The following RC3H1 variants were observed in gnomAD, a reference collection of about 807,000 sequenced individuals.
RC3H1 encodes the protein roquin-1.
A neutral mutation model predicts 138.2 loss-of-function variants in RC3H1; 50 were observed. The ratio of observed to expected loss-of-function variants is 0.36; its 90% CI spans 0.29 to 0.46. The LOEUF is 0.46. Among genes scored for constraint, RC3H1 ranks in the 20% least tolerant of loss-of-function variants. The pLI, the probability that RC3H1 is intolerant of heterozygous loss-of-function variation, is 1.00. For missense variants in RC3H1, 1,031 were observed against 1,388.1 expected (o/e 0.74, Z 4.09); for synonymous variants, 462 against 489.1 (o/e 0.94, Z 0.73).
chr1:173,970,695 T>A (rs1401145952), intron 8 of RC3H1, 78 bp from the exon 9 acceptor site: 1 of 867,572 alleles, frequency 1.2e-6, no homozygotes, highest in Non-Finnish European at 1.8e-6. Context: ...CATTTTAGGA[T>A]CTTGATAATC....
chr1:173,996,915 G>GT (rs145400110), intron 1 of RC3H1, among the ~76,000 whole-genome samples: 3,467 of 146,886 alleles, frequency 0.024, 142 homozygotes, highest in African/African-American at 0.081. Context: ...AAGGAATTCT[G>GT]TTTTTTTTTT....
In RC3H1 at chr1:173,980,944, A is replaced by G. The variant is rs752656992; in HGVS notation, c.834T>C (p.Ala278=). 8.2e-5 allele frequency: 133 copies of G among 1,613,914 alleles called. No homozygotes were observed. The highest frequency in any genetic ancestry group is 1.1e-4 in the Non-Finnish European group (125 of 1,179,924). ...TCTGGGAGTCATGTTCTCGCCGCAG[A>G]GCTTCATAGGTTCTAAATTCTTCTT... is the stretch of plus-strand genomic sequence containing the variant. ...QLKEEFRTYE[A]LRREHDSQIV... is the part of the protein sequence containing the mutation. The change falls in exon 6 of 20, where the codon GCT becomes GCC. Residue 278 remains alanine, a synonymous_variant. Coordinates refer to ENST00000367696, the MANE Select transcript of RC3H1 (RefSeq NM_172071.4).
intron 8 of RC3H1, among the ~76,000 whole-genome samples, chr1:173,970,833 A>G (rs1295204942): frequency 1.3e-5 from 2 of 152,168 alleles, no homozygotes; most frequent in Non-Finnish European, 2.9e-5. Flanking sequence ...AATTTTTCTG[A>G]TATGTTGATA....
At chr1:173,963,888 C>T (rs1396099654) in intron 11 of RC3H1, 85 bp downstream of exon 11, 1 of 1,060,340 alleles carries the variant, frequency 9.4e-7, no homozygotes, top group Non-Finnish European at 1.4e-6. Flanking sequence ...CTTAAAGAGG[C>T]TACTGTGTAA....
rs552944531 is a variant in RC3H1, at chr1:173,933,335, T to C, written c.*5386A>G. On this transcript the variant is annotated 3_prime_UTR_variant, in exon 20 of 20. Coordinates refer to ENST00000367696, the MANE Select transcript of RC3H1 (RefSeq NM_172071.4). ...ATTTCAAAGGGCTCTTTACCCACTT[T>C]GTTCAGTGCAGTATTGAAAACATAC... is the stretch of plus-strand genomic sequence containing the variant. 1 of 152,206 alleles carries C rather than the reference T, an allele frequency of 6.6e-6. No individual in the cohort carries two copies. Among genetic ancestry groups the C allele is most frequent in the South Asian group, 2.1e-4 (1 of 4,820 alleles). The allele number at this position is 152,206 out of a possible 1,614,324, so 9.4% of individuals were successfully genotyped here. A position where few individuals can be genotyped will look rare whatever the true frequency, so the allele number is the denominator to read the frequency against.
In RC3H1 at chr1:173,935,648, G is replaced by A. The variant is rs1217628950; in HGVS notation, c.*3073C>T. ...TTTAAAAAAGTAGTTACAGAGTCAA[G>A]CAGTTATGCCCAAATATGCCATTTG... On this transcript the variant is annotated 3_prime_UTR_variant, in exon 20 of 20. Coordinates refer to ENST00000367696, the MANE Select transcript of RC3H1 (RefSeq NM_172071.4). 6.6e-6 allele frequency: 1 copy of A among 151,970 alleles called. No homozygotes were observed. Among genetic ancestry groups the A allele is most frequent in the Non-Finnish European group, 1.5e-5 (1 of 68,004 alleles). 9.4% of individuals were successfully genotyped at this position (151,970 alleles called of 1,614,324 possible).
At chr1:174,012,677 G>A (rs1661789300) in intron 1 of RC3H1, among the ~76,000 whole-genome samples, 2 of 151,814 alleles carry the variant, frequency 1.3e-5, no homozygotes, top group Admixed American at 6.6e-5. Context: ...CCAGCTACTC[G>A]GGAGGCTGAG....
chr1:173,989,371 T>C (rs990055550), intron 2 of RC3H1, among the ~76,000 whole-genome samples: 8 of 149,610 alleles, frequency 5.3e-5, no homozygotes, highest in Middle Eastern at 6.9e-3. Context: ...AAAAATTTTT[T>C]TTTGTATTTT....
Position 173,981,042 on chromosome 1 carries a change from C to CA in RC3H1, c.769-34dup, listed in dbSNP as rs750175619. The CA allele has an allele frequency of 1.6e-4, 258 of 1,565,372 alleles. 3 individuals carry two copies. The African/African-American group carries it at 2.8e-3, about 17-fold the overall frequency. ...GACACAAATAATCTCATAATGAAGT[C>CA]AAAAAAATGAGTTTATGCTTTATAT... On this transcript the variant is annotated intron_variant, in intron 5 of 19. Coordinates refer to ENST00000367696, the MANE Select transcript of RC3H1 (RefSeq NM_172071.4).
At chr1:173,995,981 T>C (rs894114362) in intron 1 of RC3H1, among the ~76,000 whole-genome samples, 1 of 152,214 alleles carries the variant, frequency 6.6e-6, no homozygotes, top group African/African-American at 2.4e-5. Flanking sequence ...GGGCTGGGTG[T>C]GGCGGCTCAC....
chr1:173,945,495 G>A (rs61828899), intron 17 of RC3H1, among the ~76,000 whole-genome samples: 14,145 of 152,040 alleles, frequency 0.093, 877 homozygotes, highest in East Asian at 0.22. Context: ...CACTGAATCT[G>A]GAGTATGAAG....
rs1659894421 is a variant in RC3H1 at position 173,961,846 on chromosome 1, A to G, written c.2081T>C (p.Ile694Thr). The G allele has an allele frequency of 6.2e-7, 1 of 1,613,976 alleles. No individual in the cohort carries two copies. Among genetic ancestry groups the G allele is most frequent in the East Asian group, 2.2e-5 (1 of 44,892 alleles). The change falls in exon 12 of 20, where the codon ATT becomes ACT. Residue 694 changes from isoleucine to threonine, a missense_variant. Coordinates refer to ENST00000367696, the MANE Select transcript of RC3H1 (RefSeq NM_172071.4). ...EEIFRESPIP[I>T]EIPPAAVPSY... ...TGGTACTGCTGCAGGTGGAATCTCA[A>G]TGGGTATAGGGCTTTCTCGGAATAT...
At chr1:173,943,303 C>T in intron 18 of RC3H1, 139 bp downstream of exon 18, 3 of 719,672 alleles carry the variant, frequency 4.2e-6, no homozygotes, top group Middle Eastern at 3.8e-4. Context: ...GAAGGTAGCC[C>T]ACCTGCATGA....
At chr1:173,963,908 C>T in intron 11 of RC3H1, 65 bp downstream of exon 11, 1 of 1,342,024 alleles carries the variant, frequency 7.5e-7, no homozygotes, top group Non-Finnish European at 1.1e-6. Flanking sequence ...AATGATCACT[C>T]TGACCTGAAG....
chr1:173,957,074 C>T (rs997692422), intron 13 of RC3H1, among the ~76,000 whole-genome samples: 1 of 151,922 alleles, frequency 6.6e-6, no homozygotes, highest in African/African-American at 2.4e-5. Flanking sequence ...CCATCATGCC[C>T]GGCTAATTTT....
chr1:173,983,806 T>C (rs1660916367), intron 3 of RC3H1, 149 bp from the exon 4 acceptor site: 2 of 718,906 alleles, frequency 2.8e-6, no homozygotes, highest in African/African-American at 1.8e-5. Flanking sequence ...ACCACACATG[T>C]AAAGCTTACT....
chr1:173,993,152 AGG>A lies in RC3H1; in HGVS notation c.-150-19_-150-18del, dbSNP rs1172860426. ...AAATATAACCTGAAAATAAAGAAAA[AGG>A]AAAAAAATTGAGTGTCTTTCTTTTC... On this transcript the variant is annotated intron_variant, in intron 1 of 19. Coordinates refer to ENST00000367696, the MANE Select transcript of RC3H1 (RefSeq NM_172071.4). The A allele has an allele frequency of 1.7e-6, 1 of 592,422 alleles. No homozygotes were observed. Among genetic ancestry groups the A allele is most frequent in the East Asian group, 2.8e-5 (1 of 35,638 alleles). 36.7% of individuals were successfully genotyped at this position (592,422 alleles called of 1,614,324 possible). A position where few individuals can be genotyped will look rare whatever the true frequency, so the allele number is the denominator to read the frequency against.
At chr1:173,990,509 C>G (rs1469711431) in intron 2 of RC3H1, among the ~76,000 whole-genome samples, 2 of 130,004 alleles carry the variant, frequency 1.5e-5, no homozygotes, top group Admixed American at 6.8e-5. Context: ...ATTTAACAGT[C>G]TTTATTAAGG....
At position 173,984,557 on chromosome 1, in the gene RC3H1, T is replaced by C; in HGVS notation, c.294A>G (p.Glu98=). The change falls in exon 3 of 20, where the codon GAA becomes GAG. Residue 98 remains glutamate, a synonymous_variant. Transcript: ENST00000367696. ...CTAATTCTTCTACACATTTCTTGGC[T>C]TCCTCATAATGCTTTGTGTCTTCAA... The part of the protein sequence containing the change: ...SGVEDTKHYE[E]AKKCVEELAL... 6.2e-7 allele frequency: 1 copy of C among 1,614,044 alleles called. No individual in the cohort carries two copies. The highest frequency in any genetic ancestry group is 8.5e-7 in the Non-Finnish European group (1 of 1,179,946).
Sources: gnomAD v4.1 joint callset for allele counts (sites outside exome capture counted in the v4.1 genomes callset) on GRCh38, gnomAD v4.1.1 for gene constraint, MANE v1.5 for transcripts, NCBI Gene and HGNC (gene_info 2026-07-23, HGNC 2026-07-21) for gene names.